Variants in SNX29 observed in about 807,000 individuals in gnomAD.
SNX29 encodes the protein sorting nexin-29.
A neutral mutation model predicts 102.1 loss-of-function variants in SNX29; 78 were observed. The ratio of observed to expected loss-of-function variants is 0.76; its 90% CI spans 0.64 to 0.92. The LOEUF (loss-of-function observed/expected upper bound fraction) is 0.92, where lower values mean the gene tolerates loss of function less well. Among genes scored for constraint, SNX29 ranks in the 40% least tolerant of loss-of-function variants. The probability of loss-of-function intolerance (pLI) is 0.00; values close to 1 mark genes in which losing one functional copy is unlikely to be tolerated. For missense variants in SNX29, 1,280 were observed against 1,061.7 expected, an observed-to-expected ratio of 1.21 and a Z score of -2.86; for synonymous variants, 580 against 414.5, an observed-to-expected ratio of 1.40 and a Z score of -4.85.
At chr16:12,002,872 A>G in intron 2 of SNX29, 119 bp from the exon 3 acceptor site, 1 of 1,097,034 alleles carries the variant, frequency 9.1e-7, no homozygotes. Context: ...CTCACTTGGC[A>G]TGCAGAGCTT....
intron 14 of SNX29, among the ~76,000 whole-genome samples, chr16:12,215,970 C>G (rs1268003036): frequency 6.6e-6 from 1 of 152,150 alleles, no homozygotes; most frequent in African/African-American, 2.4e-5. Context: ...CTTTGGTGGT[C>G]TTTGCTGCCT....
At chr16:12,321,997 C>T (rs959667217) in intron 15 of SNX29, among the ~76,000 whole-genome samples, 3 of 152,084 alleles carry the variant, frequency 2.0e-5, no homozygotes, top group African/African-American at 7.2e-5. Flanking sequence ...TGGTGAAGTC[C>T]AGGTAAGGGG....
chr16:12,023,258 A>G (rs2057082842), intron 3 of SNX29, among the ~76,000 whole-genome samples: 1 of 152,000 alleles, frequency 6.6e-6, no homozygotes, highest in Non-Finnish European at 1.5e-5. Context: ...CTTATTTAAA[A>G]TAATATTCCT....
intron 14 of SNX29, among the ~76,000 whole-genome samples, chr16:12,268,390 T>A (rs1429661698): frequency 6.6e-6 from 1 of 152,204 alleles, no homozygotes; most frequent in African/African-American, 2.4e-5. Flanking sequence ...TGCTAAGCGG[T>A]AGAGCCAGAC....
chr16:12,298,157 G>A (rs533824347), intron 15 of SNX29, among the ~76,000 whole-genome samples: 204 of 152,270 alleles, frequency 1.3e-3, no homozygotes, highest in African/African-American at 4.5e-3. Flanking sequence ...GCAACAGAGC[G>A]AGACTCTGTT....
At position 12,571,964 on chromosome 16, in the gene SNX29, A is replaced by G. The variant is rs547072166; in HGVS notation, c.*3335A>G. 1.4e-4 allele frequency: 147 copies of G among 1,061,308 alleles called. 1 individual carries two copies. The African/African-American group carries it at 2.2e-3, about 16-fold the overall frequency. 65.7% of individuals were successfully genotyped at this position (1,061,308 alleles called of 1,614,324 possible). A position where few individuals can be genotyped will look rare whatever the true frequency, so the allele number is the denominator to read the frequency against. On this transcript the variant is annotated 3_prime_UTR_variant, in exon 21 of 21. Transcript: ENST00000566228. ...TTCAGGGAAGAGGCTCTTACAGTCTATGGTGGTAGCCATCTTCACATCCAG... is the reference window on the plus strand; with the variant it reads ...TTCAGGGAAGAGGCTCTTACAGTCTGTGGTGGTAGCCATCTTCACATCCAG...
Position 12,568,437 on chromosome 16 carries a change from C to T in SNX29, c.2319-69C>T, listed in dbSNP as rs769639677. 30 of 1,585,510 alleles carry T rather than the reference C, an allele frequency of 1.9e-5. No homozygotes were observed. The South Asian group carries it at 2.7e-4, about 14-fold the overall frequency. ...TCCCTCCTGCCCTCACACCTGGCTC[C>T]CCTTCCTGGCCTGTGGTCATTTGCT... On this transcript the variant is annotated intron_variant, in intron 20 of 20. Transcript: ENST00000566228.
intron 1 of SNX29, among the ~76,000 whole-genome samples, chr16:11,997,405 A>G (rs138075876): frequency 1.3e-4 from 20 of 151,258 alleles, no homozygotes; most frequent in Admixed American, 5.9e-4. Context: ...CTTCCTCCCT[A>G]TCCCATCACT....
chr16:12,047,066 G>C (rs187249017), intron 6 of SNX29, among the ~76,000 whole-genome samples: 36 of 152,326 alleles, frequency 2.4e-4, no homozygotes, highest in Middle Eastern at 3.4e-3. Flanking sequence ...TTTACCCCTT[G>C]CTACCTGGTG....
chr16:12,428,667 C>T (rs142277389), intron 18 of SNX29, among the ~76,000 whole-genome samples: 262 of 152,224 alleles, frequency 1.7e-3, no homozygotes, highest in Non-Finnish European at 2.5e-3. Flanking sequence ...CAATTAATAT[C>T]TCCTTCTAGT....
At position 12,572,472 on chromosome 16, in the gene SNX29, G is replaced by A. The variant is rs1245620491; in HGVS notation, c.*3843G>A. ...GCATGGTACATTTTGCCAACCCTGAGGACCAGTTCTTGGGGTTCCAGGCCT... is the reference window on the plus strand; with the variant it reads ...GCATGGTACATTTTGCCAACCCTGAAGACCAGTTCTTGGGGTTCCAGGCCT... On this transcript the variant is annotated 3_prime_UTR_variant, in exon 21 of 21. Transcript: ENST00000566228. 3.8e-6 allele frequency: 4 copies of A among 1,063,836 alleles called. No individual in the cohort carries two copies. Among genetic ancestry groups the A allele is most frequent in the Non-Finnish European group, 2.3e-6 (2 of 878,368 alleles). 65.9% of individuals were successfully genotyped at this position (1,063,836 alleles called of 1,614,324 possible).
At chr16:12,382,014 T>A (rs2083182475) in intron 16 of SNX29, among the ~76,000 whole-genome samples, 1 of 151,836 alleles carries the variant, frequency 6.6e-6, no homozygotes, top group Non-Finnish European at 1.5e-5. Flanking sequence ...AGTCATCACG[T>A]TCATCATGAG....
intron 14 of SNX29, among the ~76,000 whole-genome samples, chr16:12,277,375 C>T (rs565783307): frequency 6.6e-6 from 1 of 152,196 alleles, no homozygotes; most frequent in African/African-American, 2.4e-5. Flanking sequence ...CACTATACTC[C>T]AGCCTGGGTG....
chr16:12,551,223 G>C (rs1053404123), intron 20 of SNX29, among the ~76,000 whole-genome samples: 1 of 148,258 alleles, frequency 6.7e-6, no homozygotes, highest in African/African-American at 2.6e-5. Flanking sequence ...ACTCAGATTT[G>C]CCATCTTCTG....
chr16:12,011,062 G>A (rs1477151590), intron 3 of SNX29, among the ~76,000 whole-genome samples: 1 of 151,834 alleles, frequency 6.6e-6, no homozygotes, highest in East Asian at 1.9e-4. Flanking sequence ...AAAAATCCTG[G>A]GGTTCATTAA....
rs1157975063 is a variant in SNX29 at position 12,461,955 on chromosome 16, CAAAAAAAA to C, written c.2038-15747_2038-15740del. ...TGGGTGACAGAGCGAGACTCTGTCT[CAAAAAAAA>C]AAAAAAAAAAAAAAAATATATATAT... On this transcript the variant is annotated intron_variant, in intron 18 of 20. Coordinates refer to ENST00000566228, the MANE Select transcript of SNX29 (RefSeq NM_032167.5). Among the ~76,000 whole-genome samples, 32 of 25,498 alleles carry C rather than the reference CAAAAAAAA, an allele frequency of 1.3e-3. 1 individual carries two copies. The highest frequency in any genetic ancestry group is 4.6e-3 in the African/African-American group (30 of 6,588). 16.7% of individuals were successfully genotyped at this position (25,498 alleles called of 152,430 possible).
intron 18 of SNX29, among the ~76,000 whole-genome samples, chr16:12,413,788 G>A (rs1015683287): frequency 1.3e-5 from 2 of 152,304 alleles, no homozygotes; most frequent in African/African-American, 4.8e-5. Context: ...TTTGAGAGCC[G>A]CCTTGCTGAG....
At chr16:12,526,925 GGA>G (rs1480358417) in intron 20 of SNX29, 17 of 392,166 alleles carry the variant, frequency 4.3e-5, no homozygotes, top group Non-Finnish European at 7.7e-5. Flanking sequence ...CAGTCAGCAC[GGA>G]GAGAGAAACC....
intron 18 of SNX29, among the ~76,000 whole-genome samples, chr16:12,435,360 C>A (rs940737776): frequency 2.5e-4 from 38 of 152,128 alleles, no homozygotes; most frequent in Non-Finnish European, 5.6e-4. Flanking sequence ...AGAAAAAGAT[C>A]CCATTTATTA....
Sources: gnomAD v4.1 joint callset for allele counts (sites outside exome capture counted in the v4.1 genomes callset) on GRCh38, gnomAD v4.1.1 for gene constraint, MANE v1.5 for transcripts, NCBI Gene and HGNC (gene_info 2026-07-23, HGNC 2026-07-21) for gene names.